FOXP2: variants seen among roughly 807,000 people sequenced by gnomAD.
FOXP2 encodes the protein forkhead box P2, also known as forkhead box protein P2.
A neutral mutation model predicts 115.8 loss-of-function variants in FOXP2; 12 were observed. That is an observed-to-expected ratio of 0.10 (90% CI 0.07 to 0.17). The LOEUF (loss-of-function observed/expected upper bound fraction) is 0.17, where lower values mean the gene tolerates loss of function less well. Ranked by LOEUF, FOXP2 falls within the 10% of genes least tolerant of loss-of-function variation. The pLI is 1.00. For missense variants in FOXP2, 629 were observed against 843.5 expected (o/e 0.75, Z 3.15); for synonymous variants, 328 against 297.7 (o/e 1.10, Z -1.05).
intron 1 of FOXP2, among the ~76,000 whole-genome samples, chr7:114,093,988 G>A (rs1486427114): frequency 6.6e-6 from 1 of 152,042 alleles, no homozygotes; most frequent in African/African-American, 2.4e-5. Flanking sequence ...TTTCTAATGG[G>A]TAAACTATGA....
intron 2 of FOXP2, among the ~76,000 whole-genome samples, chr7:114,343,405 AAAAAGGGAGGGAT>A (rs1423642438): frequency 6.6e-6 from 1 of 151,664 alleles, no homozygotes; most frequent in Non-Finnish European, 1.5e-5. Flanking sequence ...AAAACACTAC[AAAAAGGGAGGGAT>A]AATGCAGAAG....
intron 2 of FOXP2, among the ~76,000 whole-genome samples, chr7:114,448,409 C>T (rs1419210680): frequency 6.6e-6 from 1 of 152,038 alleles, no homozygotes; most frequent in Non-Finnish European, 1.5e-5. Flanking sequence ...GGGGCGCAGG[C>T]AGACTCATAC....
At chr7:114,348,324 A>G (rs563576907) in intron 2 of FOXP2, among the ~76,000 whole-genome samples, 14 of 152,010 alleles carry the variant, frequency 9.2e-5, no homozygotes, top group African/African-American at 3.4e-4. Flanking sequence ...TTTCTTTTTT[A>G]TCCTTTACTG....
intron 2 of FOXP2, among the ~76,000 whole-genome samples, chr7:114,513,375 G>A (rs1490175181): frequency 6.6e-6 from 1 of 152,008 alleles, no homozygotes. Flanking sequence ...ATTAGTAAGG[G>A]TATCAAAATT....
At chr7:114,612,757 A>T (rs1489168530) in intron 3 of FOXP2, among the ~76,000 whole-genome samples, 2 of 152,170 alleles carry the variant, frequency 1.3e-5, no homozygotes, top group East Asian at 1.9e-4. Flanking sequence ...CAAGTTTTTG[A>T]TATCTGTAGA....
rs557629957 is a variant in FOXP2, at chr7:114,305,237, A to C, written c.-11+17128A>C. On this transcript the variant is annotated intron_variant, in intron 2 of 17. Coordinates refer to the FOXP2 transcript ENST00000634411. ...TTCACAGATCAATAGATTTACCAAG[A>C]GCTTGAAGGAGAGCTTTAAACGTTC... 2.6e-5 allele frequency among the ~76,000 whole-genome samples: 4 copies of C among 152,266 alleles called. No homozygotes were observed. In the South Asian group the frequency reaches 6.2e-4, roughly 24 times the overall value.
intron 2 of FOXP2, among the ~76,000 whole-genome samples, chr7:114,492,362 G>A (rs776927462): frequency 6.6e-6 from 1 of 152,002 alleles, no homozygotes; most frequent in East Asian, 1.9e-4. Context: ...CAAAAAACCA[G>A]CTCCTGGATT....
intron 1 of FOXP2, among the ~76,000 whole-genome samples, chr7:114,252,816 A>T (rs891372265): frequency 1.4e-4 from 21 of 152,022 alleles, no homozygotes; most frequent in African/African-American, 5.1e-4. Flanking sequence ...GATCTTAGTT[A>T]TTTCTAGCCT....
At chr7:114,449,328 C>T (rs1320276557) in intron 2 of FOXP2, among the ~76,000 whole-genome samples, 1 of 151,922 alleles carries the variant, frequency 6.6e-6, no homozygotes, top group Non-Finnish European at 1.5e-5. Flanking sequence ...ATGTTGTATT[C>T]ATATATTTTT....
At chr7:114,455,810 G>A (rs1177725085) in intron 2 of FOXP2, among the ~76,000 whole-genome samples, 2 of 152,048 alleles carry the variant, frequency 1.3e-5, no homozygotes, top group Admixed American at 6.6e-5. Flanking sequence ...TCATTGTTTA[G>A]TATACATCCA....
chr7:114,345,006 T>A (rs1017314671), intron 2 of FOXP2, among the ~76,000 whole-genome samples: 3 of 139,822 alleles, frequency 2.1e-5, no homozygotes, highest in African/African-American at 7.4e-5. Flanking sequence ...AAAAATGGAT[T>A]GGAAGTGAAA....
chr7:114,668,794 CTA>C (rs1300625333), intron 16 of FOXP2: 1 of 152,124 alleles, frequency 6.6e-6, no homozygotes, highest in Non-Finnish European at 1.5e-5. Flanking sequence ...GCACATTCTA[CTA>C]TGTCAAGTAA....
chr7:114,221,045 C>T (rs73439574), intron 1 of FOXP2, among the ~76,000 whole-genome samples: 5,933 of 152,152 alleles, frequency 0.039, 354 homozygotes, highest in African/African-American at 0.13. Context: ...GATTTTTATA[C>T]ACCTTATAAT....
upstream of FOXP2, among the ~76,000 whole-genome samples, chr7:114,160,716 G>A (rs970416467): frequency 6.6e-6 from 1 of 151,642 alleles, no homozygotes; most frequent in Non-Finnish European, 1.5e-5. Context: ...TAGGGTTAAG[G>A]TTAAGAAAAA....
intron 1 of FOXP2, among the ~76,000 whole-genome samples, chr7:114,108,130 T>C (rs1242660423): frequency 6.6e-6 from 1 of 151,992 alleles, no homozygotes; most frequent in African/African-American, 2.4e-5. Context: ...AGAGTCTAAG[T>C]ATGAACCAGG....
intron 1 of FOXP2, among the ~76,000 whole-genome samples, chr7:114,187,929 T>A (rs1793655109): frequency 6.6e-6 from 1 of 152,172 alleles, no homozygotes; most frequent in Non-Finnish European, 1.5e-5. Context: ...CACCCTTTTT[T>A]AATAGTATCA....
At chr7:114,094,771 C>T (rs1167377861) in intron 1 of FOXP2, among the ~76,000 whole-genome samples, 1 of 152,160 alleles carries the variant, frequency 6.6e-6, no homozygotes, top group East Asian at 1.9e-4. Flanking sequence ...AAGTGATCCT[C>T]TCCCCTCAGC....
chr7:114,467,203 TTTC>T (rs1285924089), intron 2 of FOXP2, among the ~76,000 whole-genome samples: 2 of 152,304 alleles, frequency 1.3e-5, no homozygotes, highest in East Asian at 3.9e-4. Flanking sequence ...GTTGCTTGTG[TTTC>T]TTGTTATGCT....
intron 3 of FOXP2, among the ~76,000 whole-genome samples, chr7:114,574,640 A>T (rs185145564): frequency 5.1e-4 from 77 of 151,994 alleles, no homozygotes; most frequent in African/African-American, 1.8e-3. Context: ...GAATGACCTC[A>T]TTAACACCTA....
Sources: gnomAD v4.1 joint callset for allele counts (sites outside exome capture counted in the v4.1 genomes callset) on GRCh38, gnomAD v4.1.1 for gene constraint, MANE v1.5 for transcripts, NCBI Gene and HGNC (gene_info 2026-07-23, HGNC 2026-07-21) for gene names.